MORC2: variants seen among roughly 807,000 people sequenced by gnomAD.
MORC2 encodes ATPase MORC2.
A neutral mutation model predicts 136.0 loss-of-function variants in MORC2; 30 were observed. The ratio of observed to expected loss-of-function variants is 0.22; its 90% CI spans 0.17 to 0.30. The LOEUF is 0.30. Among genes scored for constraint, MORC2 ranks in the 10% least tolerant of loss-of-function variants. The pLI is 1.00. For missense variants in MORC2, 922 were observed against 1,333.1 expected (o/e 0.69, Z 4.80); for synonymous variants, 439 against 487.0 (o/e 0.90, Z 1.30).
At chr22:30,935,670 T>TGC (rs34727165) in intron 17 of MORC2, among the ~76,000 whole-genome samples, 53,979 of 151,752 alleles carry the variant, frequency 0.36, 10,109 homozygotes, top group East Asian at 0.74. Context: ...TAGGGAGGCA[T>TGC]ATAAAACATC....
intron 6 of MORC2, 123 bp downstream of exon 6, chr22:30,946,218 A>T: frequency 1.5e-6 from 1 of 659,240 alleles, no homozygotes; most frequent in Non-Finnish European, 2.5e-6. Flanking sequence ...CATAACAATT[A>T]GGGGGAATGT....
chr22:30,950,495 G>T, intron 3 of MORC2, 50 bp from the exon 4 acceptor site: 1 of 1,558,312 alleles, frequency 6.4e-7, no homozygotes, highest in Non-Finnish European at 8.8e-7. Context: ...CCACAGGGTG[G>T]CAACATGCCT....
rs779251830 is a variant in MORC2, at chr22:30,940,017, T to C, written c.929A>G (p.Glu310Gly). The C allele has an allele frequency of 1.2e-6, 2 of 1,613,904 alleles. No individual in the cohort carries two copies. Among genetic ancestry groups the C allele is most frequent in the South Asian group, 1.1e-5 (1 of 91,078 alleles). The change falls in exon 11 of 26, where the codon GAG becomes GGG. Residue 310 changes from glutamate (E) to glycine (G), a missense_variant. This residue lies in a region of MORC2 where 261 missense variants were observed against 354.3 expected (regional missense o/e 0.74). Transcript: ENST00000397641. ...TACTTCTAATGTCCGAGCTTTGCTC[T>C]CTGCCTCCCGCGCCTTCTCTTCAGC... The part of the protein sequence containing the change: ...RIAEEKAREA[E>G]SKARTLEVRL...
chr22:30,964,439 T>C (rs1452233863), intron 1 of MORC2, among the ~76,000 whole-genome samples: 3 of 152,090 alleles, frequency 2.0e-5, no homozygotes, highest in African/African-American at 7.2e-5. Flanking sequence ...CCAACAAAAA[T>C]AAATAGCAGA....
At chr22:30,966,535 G>A (rs1313649287) in intron 1 of MORC2, among the ~76,000 whole-genome samples, 1 of 152,164 alleles carries the variant, frequency 6.6e-6, no homozygotes, top group African/African-American at 2.4e-5. Flanking sequence ...AGCACTTTGG[G>A]AGGCCAAGGT....
Position 30,932,501 on chromosome 22 carries a change from A to G in MORC2, c.2747+44T>C. ...TCAGAATGGCATGGAGCAGGCAGAG[A>G]GCTGCTGCTGGCCCTGGGGTGGGAA... is the stretch of plus-strand genomic sequence containing the variant. On this transcript the variant is annotated intron_variant, in intron 23 of 25. Transcript: ENST00000397641. The surrounding 1 kb of genome is among the most constrained non-coding windows in gnomAD (Gnocchi z 4.4). 6.2e-7 allele frequency: 1 copy of G among 1,611,394 alleles called. No individual in the cohort carries two copies. The highest frequency in any genetic ancestry group is 8.5e-7 in the Non-Finnish European group (1 of 1,177,538).
intron 12 of MORC2, 53 bp from the exon 13 acceptor site, chr22:30,938,258 T>C (rs901840475): frequency 1.1e-4 from 174 of 1,602,508 alleles, no homozygotes; most frequent in South Asian, 1.6e-4. Flanking sequence ...ACAAGCACCA[T>C]AGTGTTTAAG....
Position 30,932,757 on chromosome 22 carries a change from G to A in MORC2, c.2535C>T (p.Gly845=). 1 of 1,614,146 alleles carries A rather than the reference G, an allele frequency of 6.2e-7. No individual in the cohort carries two copies. The highest frequency in any genetic ancestry group is 8.5e-7 in the Non-Finnish European group (1 of 1,180,008). Residue 845 remains glycine, a synonymous_variant, in exon 23 of 26, where the codon GGC becomes GGT. Transcript: ENST00000397641. The surrounding 1 kb of genome is among the most constrained non-coding windows in gnomAD (Gnocchi z 4.4). ...TTPRDRWVEK[G]SEDVRLMKPP... ...GTTTCATCAGCCGCACATCCTCACT[G>A]CCTTTCTCCACCCTGTGGAAGACAC...
At position 30,937,168 on chromosome 22, in the gene MORC2, C is replaced by T. The variant is rs1462427499; in HGVS notation, c.1499-131G>A. 1.5e-6 allele frequency: 1 copy of T among 682,586 alleles called. No homozygotes were observed. Among genetic ancestry groups the T allele is most frequent in the African/African-American group, 1.8e-5 (1 of 56,060 alleles). The allele number at this position is 682,586 out of a possible 1,614,324, so 42.3% of individuals were successfully genotyped here. A position where few individuals can be genotyped will look rare whatever the true frequency, so the allele number is the denominator to read the frequency against. ...AAAGATCTTCACTCGGGCTCCAACT[C>T]TGCCTATCCTTAGAGAATACTAATT... On this transcript the variant is annotated intron_variant, in intron 15 of 25. Transcript: ENST00000397641. The surrounding 1 kb of genome is among the most constrained non-coding windows in gnomAD (Gnocchi z 4.7).
chr22:30,961,825 G>C (rs2041050754), intron 1 of MORC2, among the ~76,000 whole-genome samples: 1 of 152,106 alleles, frequency 6.6e-6, no homozygotes, highest in Non-Finnish European at 1.5e-5. Flanking sequence ...TTTTCCGATA[G>C]CATCCCACAA....
chr22:30,963,307 C>T, intron 1 of MORC2: 2 of 984,498 alleles, frequency 2.0e-6, no homozygotes, highest in Non-Finnish European at 2.4e-6. Flanking sequence ...ACCTAAACAT[C>T]CTTTGCATGT....
In MORC2 at chr22:30,932,064, A is replaced by G. The variant is rs1393647477; in HGVS notation, c.2841+295T>C. On this transcript the variant is annotated intron_variant, in intron 24 of 25. Transcript: ENST00000397641. This position sits in a 1 kb window ranked among gnomAD's most constrained non-coding sequence, Gnocchi z 4.4. ...GCAGAAGAAAGTGGGTATGCTTGTC[A>G]TAAAATGTCAAACTACACCTGCTAT... 6.3e-6 allele frequency: 2 copies of G among 318,558 alleles called. No homozygotes were observed. The highest frequency in any genetic ancestry group is 9.3e-5 in the Admixed American group (2 of 21,426). 19.7% of individuals were successfully genotyped at this position (318,558 alleles called of 1,614,324 possible).
chr22:30,935,362 T>C, intron 17 of MORC2, 40 bp from the exon 18 acceptor site: 1 of 1,594,778 alleles, frequency 6.3e-7, no homozygotes, highest in Non-Finnish European at 8.6e-7. Context: ...TTGCATATTT[T>C]AGTATACTTG....
In MORC2 at chr22:30,934,253, T is replaced by C. The variant is rs955552763; in HGVS notation, c.2194-62A>G. The C allele has an allele frequency of 1.2e-6, 2 of 1,607,196 alleles. No homozygotes were observed. Among genetic ancestry groups the C allele is most frequent in the Non-Finnish European group, 8.5e-7 (1 of 1,176,278 alleles). On this transcript the variant is annotated intron_variant, in intron 19 of 25. Coordinates refer to ENST00000397641, the MANE Select transcript of MORC2 (RefSeq NM_001303256.3). This position sits in a 1 kb window ranked among gnomAD's most constrained non-coding sequence, Gnocchi z 4.4. ...GTTCAGCCTCTAAGGAGCAGGAAGATTTCATCTAGCCTAAAGGAGTCGTTC... is the reference window on the plus strand; with the variant it reads ...GTTCAGCCTCTAAGGAGCAGGAAGACTTCATCTAGCCTAAAGGAGTCGTTC...
At chr22:30,936,023 T>G (rs1175042461) in intron 17 of MORC2, among the ~76,000 whole-genome samples, 1 of 152,234 alleles carries the variant, frequency 6.6e-6, no homozygotes, top group African/African-American at 2.4e-5. Flanking sequence ...CCATAGAATT[T>G]TACAATGGAC....
Position 30,955,207 on chromosome 22 carries a change from C to G in MORC2, c.157+1556G>C, listed in dbSNP as rs149289354. ...ACCCGACCTAAGGTGGTCCGCCTGCCTCGGCTTCCCAAAGTGTTGGGATTA... is the reference window on the plus strand; with the variant it reads ...ACCCGACCTAAGGTGGTCCGCCTGCGTCGGCTTCCCAAAGTGTTGGGATTA... On this transcript the variant is annotated intron_variant, in intron 3 of 25. Transcript: ENST00000397641. Among the ~76,000 whole-genome samples, 1,219 of 152,240 alleles carry G rather than the reference C, an allele frequency of 8.0e-3. 23 individuals carry two copies. Among genetic ancestry groups the G allele is most frequent in the African/African-American group, 0.028 (1,182 of 41,552 alleles).
chr22:30,950,453 A>G lies in MORC2; in HGVS notation c.158-8T>C, dbSNP rs1392279947. The G allele has an allele frequency of 2.5e-6, 4 of 1,612,118 alleles. No individual in the cohort carries two copies. The Admixed American group carries it at 6.7e-5, about 27-fold the overall frequency. On this transcript the variant is annotated splice_region_variant and splice_polypyrimidine_tract_variant and intron_variant, in intron 3 of 25. Coordinates refer to ENST00000397641, the MANE Select transcript of MORC2 (RefSeq NM_001303256.3). ...GAAGGTCCTCTCGTCTTTCTGTAAA[A>G]GAAGCAGCTGCCATTACTGGGCCGT...
Position 30,934,383 on chromosome 22 carries a change from T to C in MORC2, c.2194-192A>G, listed in dbSNP as rs547504336. Among the ~76,000 whole-genome samples, 1 of 152,228 alleles carries C rather than the reference T, an allele frequency of 6.6e-6. No individual in the cohort carries two copies. The highest frequency in any genetic ancestry group is 1.9e-4 in the East Asian group (1 of 5,170). On this transcript the variant is annotated intron_variant, in intron 19 of 25. Coordinates refer to ENST00000397641, the MANE Select transcript of MORC2 (RefSeq NM_001303256.3). This position sits in a 1 kb window ranked among gnomAD's most constrained non-coding sequence, Gnocchi z 4.4. ...TAAGGATTTTTGCTCAAAGCTATCA[T>C]AGGAGAAGCTTCTCAATTCCCTTCC...
intron 6 of MORC2, among the ~76,000 whole-genome samples, chr22:30,944,134 C>T (rs910904739): frequency 5.3e-5 from 8 of 152,188 alleles, no homozygotes; most frequent in Admixed American, 1.3e-4. Context: ...TCCTCCTCAA[C>T]TGAAAATGAT....
Sources: gnomAD v4.1 joint callset for allele counts (sites outside exome capture counted in the v4.1 genomes callset) on GRCh38, gnomAD v4.1.1 for gene constraint, gnomAD v4.1.1 regional missense constraint, Gnocchi (gnomAD v3.1) non-coding constraint, MANE v1.5 for transcripts, NCBI Gene and HGNC (gene_info 2026-07-23, HGNC 2026-07-21) for gene names.